RANBP2: variants seen among roughly 807,000 people sequenced by gnomAD.
RANBP2 encodes E3 SUMO-protein ligase RanBP2.
In RANBP2, 57 loss-of-function variants were observed where a neutral mutation model predicts 303.6. The observed-to-expected ratio is 0.19, with a 90% CI of 0.15 to 0.23. The LOEUF is 0.23. Among genes scored for constraint, RANBP2 ranks in the 10% least tolerant of loss-of-function variants. The pLI, the probability that RANBP2 is intolerant of heterozygous loss-of-function variation, is 1.00. For synonymous variants in RANBP2, 1,167 were observed against 1,301.5 expected (o/e 0.90, Z 2.23); for missense variants, 3,138 against 3,780.8 (o/e 0.83, Z 4.46).
At chr2:109,457,848 C>T in the RANBP2 span, among the ~76,000 whole-genome samples, 27 of 152,242 alleles carry the variant, frequency 1.8e-4, 1 homozygote, top group African/African-American at 6.3e-4. Context: ...AGGTAATGCC[C>T]ACACATCAGA....
chr2:109,654,730 G>A, the RANBP2 span, among the ~76,000 whole-genome samples: 4 of 152,204 alleles, frequency 2.6e-5, no homozygotes, highest in South Asian at 8.3e-4. Flanking sequence ...ACTTATGCCA[G>A]TTAGGAACCA....
the RANBP2 span, among the ~76,000 whole-genome samples, chr2:109,103,832 C>T: frequency 6.2e-4 from 93 of 149,192 alleles, no homozygotes; most frequent in South Asian, 1.5e-3. Context: ...CTTGCTCTGT[C>T]GCCCAGGCTG....
chr2:108,786,665 G>C (rs1319277262), downstream of RANBP2: 10 of 657,358 alleles, frequency 1.5e-5, no homozygotes, highest in Non-Finnish European at 2.7e-5. Context: ...CTGACAAGCC[G>C]GGCTGCAGTC....
the RANBP2 span, among the ~76,000 whole-genome samples, chr2:109,440,721 T>G: frequency 1.3e-5 from 2 of 151,990 alleles, no homozygotes; most frequent in African/African-American, 4.8e-5. Flanking sequence ...AGATCAGAGT[T>G]TGTGTGACAG....
chr2:109,347,669 T>A, the RANBP2 span: 2 of 1,612,604 alleles, frequency 1.2e-6, no homozygotes, highest in African/African-American at 2.7e-5. Context: ...GTCTGTTGCT[T>A]GCAGAATCCC....
the RANBP2 span, among the ~76,000 whole-genome samples, chr2:109,714,592 G>A: frequency 6.6e-6 from 1 of 151,536 alleles, no homozygotes; most frequent in African/African-American, 2.4e-5. Context: ...GAGCCACTGT[G>A]CCCGAGCTTT....
chr2:108,915,633 C>T, the RANBP2 span, among the ~76,000 whole-genome samples: 1 of 152,060 alleles, frequency 6.6e-6, no homozygotes, highest in Non-Finnish European at 1.5e-5. Flanking sequence ...GGCACGGTGG[C>T]TCATGCCTAT....
chr2:108,943,047 CAT>C, the RANBP2 span, among the ~76,000 whole-genome samples: 1 of 152,206 alleles, frequency 6.6e-6, no homozygotes, highest in Admixed American at 6.5e-5. Flanking sequence ...ATAACCATTA[CAT>C]GTCCCTTTCA....
chr2:109,186,287 T>C, the RANBP2 span, among the ~76,000 whole-genome samples: 1 of 152,264 alleles, frequency 6.6e-6, no homozygotes. Flanking sequence ...CATGTAATCC[T>C]GACTGCAGCC....
chr2:109,579,095 A>G, the RANBP2 span, among the ~76,000 whole-genome samples: 1 of 152,210 alleles, frequency 6.6e-6, no homozygotes, highest in Non-Finnish European at 1.5e-5. Flanking sequence ...GAAAGACAGA[A>G]TATCATTACA....
the RANBP2 span, among the ~76,000 whole-genome samples, chr2:109,112,816 T>C: frequency 1.3e-5 from 2 of 152,290 alleles, 1 homozygote; most frequent in South Asian, 4.1e-4. Flanking sequence ...TTGTAAAAGG[T>C]GTAAGGAAGG....
At chr2:109,044,854 G>A in the RANBP2 span, among the ~76,000 whole-genome samples, 1 of 152,164 alleles carries the variant, frequency 6.6e-6, no homozygotes. Context: ...ATGTTTTAAT[G>A]ATGAGCATCC....
the RANBP2 span, among the ~76,000 whole-genome samples, chr2:109,509,971 C>G: frequency 4.3e-4 from 65 of 152,290 alleles, no homozygotes; most frequent in African/African-American, 1.5e-3. Context: ...GCAGGAAACT[C>G]TTATCTAGTT....
chr2:109,528,044 A>G, the RANBP2 span, among the ~76,000 whole-genome samples: 6,221 of 152,306 alleles, frequency 0.041, 396 homozygotes, highest in African/African-American at 0.14. Flanking sequence ...GTGACTGAGC[A>G]TGGGCTCTTC....
chr2:108,894,280 A>G, the RANBP2 span, among the ~76,000 whole-genome samples: 1 of 152,142 alleles, frequency 6.6e-6, no homozygotes, highest in African/African-American at 2.4e-5. Context: ...TCTCTTTGTA[A>G]TGTTTGCTTC....
chr2:109,339,289 G>A, the RANBP2 span, among the ~76,000 whole-genome samples: 2 of 151,940 alleles, frequency 1.3e-5, no homozygotes, highest in African/African-American at 2.4e-5. Flanking sequence ...TTGGGGGGGT[G>A]GGGGGTAACA....
chr2:108,843,991 A>G, the RANBP2 span, among the ~76,000 whole-genome samples: 1 of 148,678 alleles, frequency 6.7e-6, no homozygotes, highest in Non-Finnish European at 1.5e-5. Flanking sequence ...CCTGGGCTCA[A>G]GCTGGGACCA....
chr2:109,475,990 G>T, the RANBP2 span, among the ~76,000 whole-genome samples: 1 of 152,214 alleles, frequency 6.6e-6, no homozygotes, highest in Non-Finnish European at 1.5e-5. Context: ...GACTCTTCTT[G>T]CTCAGCTGAA....
intron 1 of RANBP2, among the ~76,000 whole-genome samples, chr2:108,725,467 A>T (rs1220949260): frequency 6.6e-6 from 1 of 152,120 alleles, no homozygotes; most frequent in East Asian, 1.9e-4. Context: ...CTTCATTTTG[A>T]AAAGGGGGAA....
Sources: gnomAD v4.1 joint callset for allele counts (sites outside exome capture counted in the v4.1 genomes callset) on GRCh38, gnomAD v4.1.1 for gene constraint, MANE v1.5 for transcripts, NCBI Gene and HGNC (gene_info 2026-07-23, HGNC 2026-07-21) for gene names.